Variants in SCARB2 observed in about 807,000 individuals in gnomAD.
The protein encoded by SCARB2 is scavenger receptor class B member 2.
SCARB2 carries 29 observed loss-of-function variants against 58.6 expected under a neutral mutation model. The ratio of observed to expected loss-of-function variants is 0.49; its 90% confidence interval spans 0.37 to 0.67. SCARB2 has a LOEUF of 0.67. Ranked by LOEUF, SCARB2 falls within the 30% of genes least tolerant of loss-of-function variation. The probability of loss-of-function intolerance (pLI) is 0.00; values close to 1 mark genes in which losing one functional copy is unlikely to be tolerated. For synonymous variants in SCARB2, 195 were observed against 210.1 expected (o/e 0.93, Z 0.62); for missense variants, 488 against 578.5 (o/e 0.84, Z 1.60).
At chr4:76,163,036 AC>A in intron 11 of SCARB2, 188 bp downstream of exon 11, 2 of 689,500 alleles carry the variant, frequency 2.9e-6, no homozygotes, top group Non-Finnish European at 5.1e-6. Flanking sequence ...CTAACCCTCC[AC>A]CTTCTTTGAC....
At chr4:76,193,722 G>A (rs1379532794) in intron 2 of SCARB2, 3 of 152,182 alleles carry the variant, frequency 2.0e-5, no homozygotes, top group Admixed American at 2.0e-4. Flanking sequence ...TATCTTGAAA[G>A]GAAATAACTT....
Position 76,176,531 on chromosome 4 carries a change from G to A in SCARB2, c.613-3C>T, listed in dbSNP as rs1237129175. 1.3e-6 allele frequency: 2 copies of A among 1,564,340 alleles called. No individual in the cohort carries two copies. The highest frequency in any genetic ancestry group is 2.7e-5 in the African/African-American group (2 of 73,946). ...TCTCCATCATTAGTCCCATTTTTCTGAAAATATGTGAATATGATCATTTAA... is the reference window on the plus strand; with the variant it reads ...TCTCCATCATTAGTCCCATTTTTCTAAAAATATGTGAATATGATCATTTAA... On this transcript the variant is annotated splice_polypyrimidine_tract_variant and splice_region_variant and intron_variant, in intron 4 of 11. Transcript: ENST00000264896.
upstream of SCARB2, chr4:76,217,785 A>T: frequency 2.4e-6 from 1 of 409,292 alleles, no homozygotes; most frequent in Non-Finnish European, 4.3e-6. Flanking sequence ...TAAAATCAGA[A>T]GACTTTATCT....
intron 1 of SCARB2, among the ~76,000 whole-genome samples, chr4:76,232,408 A>G (rs1488102751): frequency 6.6e-6 from 1 of 152,208 alleles, no homozygotes; most frequent in Non-Finnish European, 1.5e-5. Flanking sequence ...GGCTTATTCT[A>G]AATCATCTCT....
chr4:76,178,296 T>C lies in SCARB2; in HGVS notation c.612+1221A>G, dbSNP rs1235779567. Among the ~76,000 whole-genome samples the C allele has an allele frequency of 2.6e-5, 4 of 152,202 alleles. No individual in the cohort carries two copies. The South Asian group carries it at 6.2e-4, about 24-fold the overall frequency. ...CCTCTATAATAATAGGAGTGAACAA[T>C]TGTTGAGTATAATATTCCTGGCTCT... On this transcript the variant is annotated intron_variant, in intron 4 of 11. Coordinates refer to ENST00000264896, the MANE Select transcript of SCARB2 (RefSeq NM_005506.4).
intron 2 of SCARB2, among the ~76,000 whole-genome samples, chr4:76,191,033 A>AGTTT (rs1463815838): frequency 6.6e-6 from 1 of 152,222 alleles, no homozygotes; most frequent in African/African-American, 2.4e-5. Flanking sequence ...TATTTTGGAT[A>AGTTT]GTTTGCAGAG....
chr4:76,217,956 ATACTC>A (rs1733242705), upstream of SCARB2, among the ~76,000 whole-genome samples: 3 of 152,272 alleles, frequency 2.0e-5, no homozygotes, highest in Non-Finnish European at 2.9e-5. Context: ...TGTTGATACT[ATACTC>A]AAATGAGTTT....
At chr4:76,227,285 A>G (rs1025496542) in intron 1 of SCARB2, among the ~76,000 whole-genome samples, 1 of 152,194 alleles carries the variant, frequency 6.6e-6, no homozygotes, top group Non-Finnish European at 1.5e-5. Flanking sequence ...TGTTCCAAAG[A>G]TCATTTAATG....
intron 1 of SCARB2, among the ~76,000 whole-genome samples, chr4:76,210,917 T>C (rs191507685): frequency 1.4e-3 from 208 of 152,256 alleles, no homozygotes; most frequent in Non-Finnish European, 2.3e-3. Context: ...CATAGACAAG[T>C]CGGGGCATAG....
rs1560703252 is a variant in SCARB2, at chr4:76,163,312, G to A, written c.1311C>T (p.Asn437=). The A allele has an allele frequency of 2.5e-6, 4 of 1,614,090 alleles. No individual in the cohort carries two copies. The highest frequency in any genetic ancestry group is 2.5e-6 in the Non-Finnish European group (3 of 1,180,044). ...SMINTTLIIT[N]IPYIIMALGV... ...CCAGCGCCATGATGATGTAGGGTAT[G>A]TTGGTGATGATCAAAGTAGTGTTAA... Residue 437 remains asparagine (N), a synonymous_variant, in exon 11 of 12, where the codon AAC becomes AAT. Transcript: ENST00000264896.
In SCARB2 at chr4:76,213,539, C is replaced by G; in HGVS notation, c.5G>C (p.Gly2Ala). The G allele has an allele frequency of 1.2e-6, 2 of 1,608,166 alleles. No homozygotes were observed. The highest frequency in any genetic ancestry group is 1.1e-5 in the South Asian group (1 of 90,098). Residue 2 changes from glycine (G) to alanine (A), a missense_variant, in exon 1 of 12, where the codon GGC becomes GCC. Transcript: ENST00000264896. MGRCCFYTAGTL... is the reference protein window; with the variant it reads MARCCFYTAGTL... ...CCCCGCCGTGTAGAAGCAGCATCGG[C>G]CCATTCTGTGCGCCGCTCACGGGCC...
chr4:76,209,533 T>C (rs1346831949), intron 1 of SCARB2, among the ~76,000 whole-genome samples: 2 of 152,164 alleles, frequency 1.3e-5, no homozygotes, highest in Non-Finnish European at 2.9e-5. Flanking sequence ...CATGCCTAGC[T>C]AATTTCTGTA....
intron 1 of SCARB2, among the ~76,000 whole-genome samples, chr4:76,221,653 A>C (rs935782480): frequency 3.9e-5 from 6 of 152,208 alleles, no homozygotes. Flanking sequence ...CTACTGCAAA[A>C]ACAGAGAAAA....
At chr4:76,176,367 A>T in intron 5 of SCARB2, 70 bp downstream of exon 5, 1 of 1,043,536 alleles carries the variant, frequency 9.6e-7, no homozygotes. Flanking sequence ...TTTTTAAGCA[A>T]TGTAGAAGTA....
At chr4:76,168,590 T>C in intron 8 of SCARB2, 114 bp from the exon 9 acceptor site, 1 of 835,928 alleles carries the variant, frequency 1.2e-6, no homozygotes, top group Non-Finnish European at 2.0e-6. Flanking sequence ...CATTACCATG[T>C]GTGACAGGCA....
At chr4:76,210,730 G>C (rs921922442) in intron 1 of SCARB2, among the ~76,000 whole-genome samples, 3 of 152,166 alleles carry the variant, frequency 2.0e-5, no homozygotes, top group Non-Finnish European at 4.4e-5. Flanking sequence ...AAATTGTCTT[G>C]GTTCCTTCCA....
intron 1 of SCARB2, among the ~76,000 whole-genome samples, chr4:76,228,559 C>T (rs1182125498): frequency 6.6e-6 from 1 of 151,500 alleles, no homozygotes; most frequent in Non-Finnish European, 1.5e-5. Context: ...GGCAAATTCT[C>T]TCAGCATTTG....
intron 10 of SCARB2, chr4:76,163,948 A>C (rs772024428): frequency 2.5e-4 from 39 of 158,088 alleles, no homozygotes; most frequent in Admixed American, 2.3e-3. Flanking sequence ...TAAATAAATG[A>C]AACACTGCAA....
At chr4:76,178,355 A>G (rs1732305334) in intron 4 of SCARB2, among the ~76,000 whole-genome samples, 1 of 152,216 alleles carries the variant, frequency 6.6e-6, no homozygotes, top group Admixed American at 6.5e-5. Context: ...ATCTCATGAA[A>G]TCCTCACAAC....
Sources: allele counts gnomAD v4.1 joint callset (sites outside exome capture counted in the v4.1 genomes callset), GRCh38; gene constraint gnomAD v4.1.1; transcripts MANE v1.5; gene names NCBI Gene and HGNC (gene_info 2026-07-23, HGNC 2026-07-21).